The following CCDC171 variants were observed in gnomAD, a reference collection of about 807,000 sequenced individuals.
The protein encoded by CCDC171 is coiled-coil domain-containing protein 171.
Under a neutral mutation model 168.2 loss-of-function variants are expected in CCDC171, and 177 were observed. The ratio of observed to expected loss-of-function variants is 1.05; its 90% CI spans 0.93 to 1.19. The LOEUF is 1.19. CCDC171 is among the 50% of genes most tolerant of loss of function. The pLI is 0.00. For missense variants in CCDC171, 1,991 were observed against 1,539.0 expected (o/e 1.29, Z -4.91); for synonymous variants, 687 against 540.8 (o/e 1.27, Z -3.75).
chr9:15,693,210 A>G (rs1357533670), intron 10 of CCDC171, among the ~76,000 whole-genome samples: 1 of 18,190 alleles, frequency 5.5e-5, no homozygotes, highest in Non-Finnish European at 1.6e-4. Flanking sequence ...AAATAGGTAC[A>G]CACAGACACA....
intron 24 of CCDC171, among the ~76,000 whole-genome samples, chr9:15,912,005 T>C (rs34343577): frequency 0.018 from 2,755 of 152,302 alleles, 97 homozygotes; most frequent in South Asian, 0.13. Context: ...TTGTTCTTTT[T>C]GCTTCAGATT....
At chr9:16,098,206 C>T in the CCDC171 span, among the ~76,000 whole-genome samples, 2 of 152,090 alleles carry the variant, frequency 1.3e-5, no homozygotes, top group South Asian at 2.1e-4. Context: ...TCCCCTAATG[C>T]ATAAAATGGG....
At chr9:15,634,746 A>G (rs1315129774) in intron 7 of CCDC171, among the ~76,000 whole-genome samples, 1 of 152,188 alleles carries the variant, frequency 6.6e-6, no homozygotes, top group Non-Finnish European at 1.5e-5. Context: ...ACTATAATCC[A>G]TTTTGGAACA....
chr9:16,079,647 C>CA, the CCDC171 span, among the ~76,000 whole-genome samples: 7 of 152,242 alleles, frequency 4.6e-5, no homozygotes, highest in Admixed American at 3.3e-4. Flanking sequence ...AATCTGCCAA[C>CA]ACTTTGCTTT....
chr9:15,983,638 C>T (rs971011375), intron 3 of CCDC171, among the ~76,000 whole-genome samples: 2 of 152,158 alleles, frequency 1.3e-5, no homozygotes, highest in East Asian at 1.9e-4. Context: ...CCTGGATAAA[C>T]ATTTGTGTTT....
chr9:15,822,844 C>G (rs1173114631), intron 21 of CCDC171, among the ~76,000 whole-genome samples: 1 of 152,088 alleles, frequency 6.6e-6, no homozygotes, highest in African/African-American at 2.4e-5. Flanking sequence ...GGTATATACC[C>G]AAAGGATTAT....
intron 7 of CCDC171, among the ~76,000 whole-genome samples, chr9:15,639,041 A>G (rs2046403722): frequency 6.6e-6 from 1 of 152,106 alleles, no homozygotes; most frequent in Admixed American, 6.6e-5. Flanking sequence ...TCTGTCAGTC[A>G]TATTCTATAT....
chr9:15,578,974 T>A lies in CCDC171; in HGVS notation c.303T>A (p.Ala101=). The A allele has an allele frequency of 1.2e-6, 2 of 1,614,082 alleles. No homozygotes were observed. The highest frequency in any genetic ancestry group is 1.7e-6 in the Non-Finnish European group (2 of 1,179,982). ...AGGAAGCTGGTCTTGGAAGACGGGC[T>A]GCTGAAGAAAGATTAGCCGAGGCAC... is the stretch of plus-strand genomic sequence containing the variant. ...ARKEAGLGRR[A]AEERLAEAHR... The change falls in exon 4 of 26, where the codon GCT becomes GCA. Residue 101 remains alanine (A), a synonymous_variant. Coordinates refer to ENST00000380701, the MANE Select transcript of CCDC171 (RefSeq NM_173550.4).
At chr9:15,557,547 T>C (rs1230890561) in intron 1 of CCDC171, among the ~76,000 whole-genome samples, 1 of 152,116 alleles carries the variant, frequency 6.6e-6, no homozygotes, top group Non-Finnish European at 1.5e-5. Flanking sequence ...CTGTCTGTTA[T>C]TGGTGTATAA....
chr9:15,812,572 G>A (rs957214999), intron 21 of CCDC171, among the ~76,000 whole-genome samples: 3 of 152,150 alleles, frequency 2.0e-5, no homozygotes, highest in Non-Finnish European at 4.4e-5. Flanking sequence ...AAAAGTTACT[G>A]TCCTCAATGT....
chr9:15,709,061 C>T (rs1564258321), intron 11 of CCDC171, among the ~76,000 whole-genome samples: 2 of 152,006 alleles, frequency 1.3e-5, no homozygotes, highest in Non-Finnish European at 2.9e-5. Flanking sequence ...ACATTTAGAA[C>T]AGAGTGGTGA....
At position 15,596,447 on chromosome 9, in the gene CCDC171, A is replaced by C. The variant is rs1222091836; in HGVS notation, c.675+2275A>C. On this transcript the variant is annotated intron_variant, in intron 6 of 25. Transcript: ENST00000380701. ...TTTTGTCAGGTTTGTCAAAGATCAG[A>C]TGGTTGTAGATGTGTGCTATTATTT... is the stretch of plus-strand genomic sequence containing the variant. Among the ~76,000 whole-genome samples the C allele has an allele frequency of 2.9e-4, 44 of 152,262 alleles. No homozygotes were observed. In the East Asian group the frequency reaches 4.4e-3, roughly 15 times the overall value.
chr9:15,786,064 G>A (rs1046066383), intron 21 of CCDC171, among the ~76,000 whole-genome samples: 2 of 152,052 alleles, frequency 1.3e-5, no homozygotes, highest in Non-Finnish European at 2.9e-5. Flanking sequence ...AGGAATAAAC[G>A]ACCAGGATGG....
intron 16 of CCDC171, among the ~76,000 whole-genome samples, chr9:15,739,581 A>C (rs1453153274): frequency 6.6e-6 from 1 of 152,196 alleles, no homozygotes; most frequent in Non-Finnish European, 1.5e-5. Flanking sequence ...AATATATGTA[A>C]AGCATTTAGA....
chr9:15,988,828 T>C (rs1042754820), intron 3 of CCDC171, among the ~76,000 whole-genome samples: 3 of 152,136 alleles, frequency 2.0e-5, no homozygotes, highest in Non-Finnish European at 2.9e-5. Context: ...GCCTCACCCA[T>C]TGCTAGCACA....
At chr9:15,593,127 C>T (rs2042108916) in intron 5 of CCDC171, among the ~76,000 whole-genome samples, 1 of 151,820 alleles carries the variant, frequency 6.6e-6, no homozygotes, top group South Asian at 2.1e-4. Flanking sequence ...CTATTTAGCC[C>T]TTGGGGGAAA....
At chr9:16,013,538 A>T (rs1158554321) in intron 3 of CCDC171, among the ~76,000 whole-genome samples, 1 of 152,232 alleles carries the variant, frequency 6.6e-6, no homozygotes, top group Non-Finnish European at 1.5e-5. Flanking sequence ...CTTGGGACAT[A>T]CAGGCACAGC....
chr9:15,814,067 T>G (rs2059464153), intron 21 of CCDC171, among the ~76,000 whole-genome samples: 1 of 152,212 alleles, frequency 6.6e-6, no homozygotes, highest in Non-Finnish European at 1.5e-5. Context: ...TTGACACTTG[T>G]GGGATTCCTT....
At chr9:16,108,509 T>C in the CCDC171 span, among the ~76,000 whole-genome samples, 1 of 152,232 alleles carries the variant, frequency 6.6e-6, no homozygotes, top group Non-Finnish European at 1.5e-5. Context: ...AGGCACTAGT[T>C]AATGTGGCAC....
Sources: gnomAD v4.1 joint callset for allele counts (sites outside exome capture counted in the v4.1 genomes callset) on GRCh38, gnomAD v4.1.1 for gene constraint, MANE v1.5 for transcripts, NCBI Gene and HGNC (gene_info 2026-07-23, HGNC 2026-07-21) for gene names.